The following NAV2 variants were observed in gnomAD, a reference collection of about 807,000 sequenced individuals.
The protein encoded by NAV2 is neuron navigator 2.
NAV2 carries 54 observed loss-of-function variants against 223.2 expected under a neutral mutation model. That is an observed-to-expected ratio of 0.24 (90% confidence interval 0.19 to 0.30). The LOEUF (loss-of-function observed/expected upper bound fraction) is 0.30, where lower values mean the gene tolerates loss of function less well. Among genes scored for constraint, NAV2 ranks in the 10% least tolerant of loss-of-function variants. The probability of loss-of-function intolerance (pLI) is 1.00; values close to 1 mark genes in which losing one functional copy is unlikely to be tolerated. For missense variants in NAV2, 2,806 were observed against 3,147.5 expected (o/e 0.89, Z 2.60); for synonymous variants, 1,279 against 1,239.3 (o/e 1.03, Z -0.67).
At chr11:19,624,721 G>A (rs560453975) in intron 1 of NAV2, among the ~76,000 whole-genome samples, 35 of 152,260 alleles carry the variant, frequency 2.3e-4, no homozygotes, top group East Asian at 9.7e-4. Context: ...GCGATTCCTC[G>A]CCCTGCTTCG....
chr11:19,694,777 A>G (rs7115844), intron 1 of NAV2, among the ~76,000 whole-genome samples: 2,368 of 152,244 alleles, frequency 0.016, 58 homozygotes, highest in African/African-American at 0.054. Context: ...ACCAACAGCT[A>G]TTGCTCGTCT....
chr11:20,022,795 G>A (rs2054622396), intron 11 of NAV2: 3 of 1,202,064 alleles, frequency 2.5e-6, no homozygotes, highest in Non-Finnish European at 3.1e-6. Flanking sequence ...AGTGCTTTAC[G>A]GTAATGGTTT....
At chr11:19,384,467 A>T (rs867321079) in intron 1 of NAV2, among the ~76,000 whole-genome samples, 9 of 152,230 alleles carry the variant, frequency 5.9e-5, no homozygotes, top group Admixed American at 2.0e-4. Context: ...GAGTTGACTC[A>T]GGATATCTGT....
At chr11:19,544,335 C>A (rs2044426381) in intron 1 of NAV2, among the ~76,000 whole-genome samples, 1 of 152,174 alleles carries the variant, frequency 6.6e-6, no homozygotes, top group African/African-American at 2.4e-5. Context: ...AAGACAGACA[C>A]AGGTTTCAAG....
intron 13 of NAV2, 141 bp downstream of exon 13, chr11:20,044,413 A>T (rs1036279395): frequency 1.3e-6 from 1 of 757,328 alleles, no homozygotes; most frequent in Non-Finnish European, 2.1e-6. Flanking sequence ...AAACTTTCAC[A>T]TCCCTACCTT....
chr11:19,925,234 T>C (rs1269235632), intron 6 of NAV2, among the ~76,000 whole-genome samples: 1 of 152,224 alleles, frequency 6.6e-6, no homozygotes, highest in Admixed American at 6.5e-5. Context: ...GTTGCCTTTT[T>C]ACTCTACTGA....
chr11:19,583,853 C>G (rs1479007483), intron 1 of NAV2, among the ~76,000 whole-genome samples: 2 of 152,138 alleles, frequency 1.3e-5, no homozygotes, highest in Admixed American at 6.5e-5. Flanking sequence ...TTTGTTGTGT[C>G]TCTGCCAGGC....
chr11:19,992,425 T>C (rs2051430130), intron 11 of NAV2, among the ~76,000 whole-genome samples: 3 of 152,176 alleles, frequency 2.0e-5, no homozygotes, highest in Admixed American at 2.0e-4. Flanking sequence ...GTGCATGCAG[T>C]GTTTTCACTT....
chr11:19,954,602 A>C (rs993197574), intron 10 of NAV2, among the ~76,000 whole-genome samples: 1 of 152,194 alleles, frequency 6.6e-6, no homozygotes, highest in African/African-American at 2.4e-5. Flanking sequence ...CTATATGGAT[A>C]GTTGTTATAC....
At chr11:19,408,254 G>A (rs577327519) in intron 1 of NAV2, among the ~76,000 whole-genome samples, 47 of 152,222 alleles carry the variant, frequency 3.1e-4, no homozygotes, top group African/African-American at 1.0e-3. Flanking sequence ...TTAGGTAATT[G>A]GAGAGCATTA....
At chr11:20,089,372 C>A (rs1404401677) in intron 26 of NAV2, among the ~76,000 whole-genome samples, 2 of 152,202 alleles carry the variant, frequency 1.3e-5, no homozygotes, top group African/African-American at 4.8e-5. Context: ...TCTTCCAGTT[C>A]TTTCTGCCCC....
At chr11:19,449,244 A>G (rs1851699005) in intron 1 of NAV2, among the ~76,000 whole-genome samples, 1 of 152,096 alleles carries the variant, frequency 6.6e-6, no homozygotes, top group Admixed American at 6.6e-5. Flanking sequence ...TAAGTGATGT[A>G]GAGGGCTCTT....
intron 1 of NAV2, among the ~76,000 whole-genome samples, chr11:19,453,277 C>G (rs975315223): frequency 1.3e-5 from 2 of 152,134 alleles, no homozygotes; most frequent in African/African-American, 4.8e-5. Flanking sequence ...TGGATCCCAG[C>G]TGAGTACAAA....
At chr11:19,700,725 C>A (rs2049486990) in intron 1 of NAV2, among the ~76,000 whole-genome samples, 1 of 152,176 alleles carries the variant, frequency 6.6e-6, no homozygotes, top group Non-Finnish European at 1.5e-5. Context: ...CCCCAAACAT[C>A]TAAAGGGGTC....
chr11:19,835,256 G>A (rs2060166697), intron 2 of NAV2, among the ~76,000 whole-genome samples: 1 of 152,134 alleles, frequency 6.6e-6, no homozygotes, highest in East Asian at 1.9e-4. Flanking sequence ...GGCCACACCT[G>A]AGGCCACTAA....
chr11:19,965,689 C>G (rs756505281), intron 10 of NAV2, among the ~76,000 whole-genome samples: 14 of 152,222 alleles, frequency 9.2e-5, no homozygotes, highest in Non-Finnish European at 1.9e-4. Context: ...CTCTTCACTG[C>G]CTGCTGAGAA....
rs1033870041 is a variant in NAV2 at position 19,998,405 on chromosome 11, C to T, written c.2768+14158C>T. ...TCCAGGCCCACTGTACCCACCAGGG[C>T]CTTCATGCGGTACGTTCTCCACCCA... On this transcript the variant is annotated intron_variant, in intron 11 of 37. Transcript: ENST00000349880. The surrounding 1 kb of genome is among the most constrained non-coding windows in gnomAD (Gnocchi z 5.0). Among the ~76,000 whole-genome samples the T allele has an allele frequency of 3.3e-5, 5 of 152,146 alleles. No individual in the cohort carries two copies. Among genetic ancestry groups the T allele is most frequent in the African/African-American group, 1.2e-4 (5 of 41,424 alleles).
At chr11:19,911,270 C>A (rs1285952887) in intron 6 of NAV2, among the ~76,000 whole-genome samples, 5 of 152,092 alleles carry the variant, frequency 3.3e-5, no homozygotes, top group African/African-American at 7.2e-5. Flanking sequence ...AGCATCCAAT[C>A]CAATCTTGGA....
Position 19,488,046 on chromosome 11 carries a change from C to T in NAV2, c.75+137019C>T, listed in dbSNP as rs758231740. 9.2e-5 allele frequency among the ~76,000 whole-genome samples: 14 copies of T among 152,248 alleles called. No individual in the cohort carries two copies. The South Asian group carries it at 1.0e-3, about 11-fold the overall frequency. On this transcript the variant is annotated intron_variant, in intron 1 of 37. Coordinates refer to the NAV2 transcript ENST00000360655. ...GAGACATCCTAAAAATTAGGAAGTA[C>T]GTTCCCCACCTCCTCCAGCTTCAGG... is the stretch of plus-strand genomic sequence containing the variant.
Sources: gnomAD v4.1 joint callset for allele counts (sites outside exome capture counted in the v4.1 genomes callset) on GRCh38, gnomAD v4.1.1 for gene constraint, Gnocchi (gnomAD v3.1) non-coding constraint, MANE v1.5 for transcripts, NCBI Gene and HGNC (gene_info 2026-07-23, HGNC 2026-07-21) for gene names.